The following ANKRD36C variants were observed in gnomAD, a reference collection of about 807,000 sequenced individuals.
ANKRD36C encodes the protein ankyrin repeat domain-containing protein 36C.
In ANKRD36C, 61 loss-of-function variants were observed where a neutral mutation model predicts 276.4. That is an observed-to-expected ratio of 0.22 (90% CI 0.18 to 0.27). ANKRD36C has a LOEUF of 0.27. Ranked by LOEUF, ANKRD36C falls within the 10% of genes least tolerant of loss-of-function variation. The pLI is 1.00. For missense variants in ANKRD36C, 1,447 were observed against 2,032.3 expected (o/e 0.71, Z 5.54); for synonymous variants, 483 against 680.1 (o/e 0.71, Z 4.51).
intron 38 of ANKRD36C, 120 bp from the exon 41 acceptor site, chr2:95,914,423 G>A: frequency 7.7e-7 from 1 of 1,292,938 alleles, no homozygotes; most frequent in Non-Finnish European, 1.1e-6. Flanking sequence ...GTCTTTGATG[G>A]CTTCTACTTT....
chr2:95,878,008 AC>A (rs1046812761), intron 58 of ANKRD36C, among the ~76,000 whole-genome samples: 2 of 145,510 alleles, frequency 1.4e-5, no homozygotes, highest in African/African-American at 5.1e-5. Context: ...ACATGGTGAA[AC>A]CCCATCTCTA....
At chr2:95,970,859 T>C (rs2104520917) in intron 6 of ANKRD36C, among the ~76,000 whole-genome samples, 1 of 152,310 alleles carries the variant, frequency 6.6e-6, no homozygotes, top group Non-Finnish European at 1.5e-5. Context: ...CTAGTCTATC[T>C]GGACCCATCT....
chr2:95,987,605 C>CT (rs35536038), intron 1 of ANKRD36C, among the ~76,000 whole-genome samples: 3,589 of 87,474 alleles, frequency 0.041, 844 homozygotes, highest in East Asian at 0.083. Context: ...CTTACAAAGA[C>CT]TTTTTTTTTT....
At chr2:95,962,161 A>G (rs1235913293) in intron 8 of ANKRD36C, among the ~76,000 whole-genome samples, 191 bp downstream of exon 8, 1 of 152,036 alleles carries the variant, frequency 6.6e-6, no homozygotes, top group Non-Finnish European at 1.5e-5. Flanking sequence ...GGAAGAACAT[A>G]ATCTTACTAC....
At chr2:95,872,512 A>G (rs1461235038) in intron 59 of ANKRD36C, among the ~76,000 whole-genome samples, 2 of 152,154 alleles carry the variant, frequency 1.3e-5, no homozygotes, top group Admixed American at 1.3e-4. Context: ...GACACATTCA[A>G]AGCAGTGTGC....
intron 5 of ANKRD36C, among the ~76,000 whole-genome samples, chr2:95,979,231 T>C (rs760265474): frequency 6.6e-6 from 1 of 152,054 alleles, no homozygotes; most frequent in Non-Finnish European, 1.5e-5. Flanking sequence ...TTTGTTTTGA[T>C]TCAAACTATG....
At chr2:95,971,379 G>A (rs1458327145) in intron 6 of ANKRD36C, among the ~76,000 whole-genome samples, 1 of 149,572 alleles carries the variant, frequency 6.7e-6, no homozygotes, top group Non-Finnish European at 1.5e-5. Context: ...GTACCACTCA[G>A]GTGGGAGATA....
chr2:95,875,566 A>G (rs1454405838), intron 59 of ANKRD36C, among the ~76,000 whole-genome samples: 2 of 150,358 alleles, frequency 1.3e-5, no homozygotes, highest in Non-Finnish European at 3.0e-5. Flanking sequence ...GCATTAGGAG[A>G]TATACCTAAT....
chr2:95,963,944 AATATATATATATAAATATATATATAT>A (rs1230379507), intron 6 of ANKRD36C, among the ~76,000 whole-genome samples: 10 of 82,716 alleles, frequency 1.2e-4, no homozygotes, highest in African/African-American at 3.8e-4. Context: ...TACATATATA[AATATATATATATAAATATATATATAT>A]AAATATATAT....
At chr2:95,921,729 G>A (rs1176482433) in intron 33 of ANKRD36C, 50 bp from the exon 34 acceptor site, 6 of 1,590,510 alleles carry the variant, frequency 3.8e-6, no homozygotes, top group African/African-American at 1.4e-5. Context: ...AATGAAGCAT[G>A]TTTCATAGAC....
At chr2:95,883,373 C>T (rs4332959) in intron 54 of ANKRD36C, among the ~76,000 whole-genome samples, 52,295 of 151,908 alleles carry the variant, frequency 0.34, 9,727 homozygotes, top group East Asian at 0.66. Flanking sequence ...AAGTATCATG[C>T]TACTCTCTAA....
At chr2:95,910,106 C>T (rs532163368) in intron 42 of ANKRD36C, among the ~76,000 whole-genome samples, 195 of 151,312 alleles carry the variant, frequency 1.3e-3, no homozygotes, top group Middle Eastern at 3.4e-3. Flanking sequence ...CAAAACTATG[C>T]TGTTCCCCAG....
At chr2:95,866,877 A>G (rs1675692302) in intron 60 of ANKRD36C, among the ~76,000 whole-genome samples, 1 of 152,306 alleles carries the variant, frequency 6.6e-6, no homozygotes, top group African/African-American at 2.4e-5. Context: ...TCGCATATCA[A>G]TTATACCACA....
intron 33 of ANKRD36C, 32 bp downstream of exon 33, chr2:95,921,750 C>G (rs761166765): frequency 6.3e-7 from 1 of 1,595,940 alleles, no homozygotes; most frequent in South Asian, 1.1e-5. Context: ...TATAGATTCA[C>G]TAGTTCACAA....
intron 59 of ANKRD36C, among the ~76,000 whole-genome samples, chr2:95,873,972 G>C (rs1009582366): frequency 2.0e-5 from 3 of 151,956 alleles, no homozygotes; most frequent in East Asian, 1.9e-4. Flanking sequence ...AACTTACAAG[G>C]GATGTGAAGG....
intron 19 of ANKRD36C, among the ~76,000 whole-genome samples, chr2:95,943,091 C>T (rs1176091782): frequency 6.6e-6 from 1 of 152,424 alleles, no homozygotes; most frequent in East Asian, 1.9e-4. Flanking sequence ...GTCAGACTAG[C>T]TCCAGAAATA....
intron 65 of ANKRD36C, 104 bp downstream of exon 85, chr2:95,852,022 T>G (rs1444718413): frequency 7.6e-7 from 1 of 1,322,812 alleles, no homozygotes; most frequent in African/African-American, 1.5e-5. Context: ...TTTTTTGGCT[T>G]CACAAAGACA....
At chr2:95,852,315 T>A (rs74877636) in intron 64 of ANKRD36C, 119 bp from the exon 85 acceptor site, 1 of 803,452 alleles carries the variant, frequency 1.2e-6, no homozygotes, top group Non-Finnish European at 2.0e-6. Flanking sequence ...TTTTTATTTA[T>A]AAAAGGTCAT....
At chr2:95,886,063 G>C (rs1676194234) in exon 52 of ANKRD36C, 2 of 1,610,734 alleles carry the variant, frequency 1.2e-6, no homozygotes, top group Middle Eastern at 3.3e-4. Context: ...CCACGTATTT[G>C]TCCATCCTTT....
Sources: gnomAD v4.1 joint callset for allele counts (sites outside exome capture counted in the v4.1 genomes callset) on GRCh38, gnomAD v4.1.1 for gene constraint, MANE v1.5 for transcripts, NCBI Gene and HGNC (gene_info 2026-07-23, HGNC 2026-07-21) for gene names.